UNC5D: variants seen among roughly 807,000 people sequenced by gnomAD.
UNC5D encodes the protein unc-5 netrin receptor D, also known as netrin receptor UNC5D.
Under a neutral mutation model 105.4 loss-of-function variants are expected in UNC5D, and 39 were observed. That is an observed-to-expected ratio of 0.37 (90% CI 0.29 to 0.48). The LOEUF is 0.48. Among genes scored for constraint, UNC5D ranks in the 20% least tolerant of loss-of-function variants. The pLI is 0.98. For missense variants in UNC5D, 991 were observed against 1,202.4 expected (o/e 0.82, Z 2.60); for synonymous variants, 452 against 450.4 (o/e 1.00, Z -0.04).
chr8:35,295,378 GT>G (rs1169435090), intron 1 of UNC5D, among the ~76,000 whole-genome samples: 3 of 151,892 alleles, frequency 2.0e-5, no homozygotes, highest in Admixed American at 1.3e-4. Flanking sequence ...TCATCTGCAA[GT>G]TTTTTTCAAA....
Position 35,590,999 on chromosome 8 carries a change from G to A in UNC5D, c.467-4555G>A, listed in dbSNP as rs1200383130. The stretch of plus-strand genomic sequence containing the variant: ...AATATTTTTACTTATATTATAAAAA[G>A]TATTTAAGTTTAAAACTTTTAAGTG... On this transcript the variant is annotated intron_variant, in intron 3 of 16. Coordinates refer to ENST00000404895, the MANE Select transcript of UNC5D (RefSeq NM_080872.4). Among the ~76,000 whole-genome samples the A allele has an allele frequency of 3.9e-5, 6 of 152,270 alleles. No homozygotes were observed. The East Asian group carries it at 1.2e-3, about 29-fold the overall frequency.
chr8:35,363,312 G>A (rs1006800521), intron 1 of UNC5D, among the ~76,000 whole-genome samples: 1 of 152,002 alleles, frequency 6.6e-6, no homozygotes, highest in African/African-American at 2.4e-5. Context: ...TGAAGAGGAC[G>A]AAAAAGTGGA....
intron 1 of UNC5D, among the ~76,000 whole-genome samples, chr8:35,471,325 A>G (rs1809708012): frequency 6.6e-6 from 1 of 152,158 alleles, no homozygotes; most frequent in Non-Finnish European, 1.5e-5. Flanking sequence ...TGATTAAAAT[A>G]TTTCACAGGA....
chr8:35,267,907 A>T (rs1805000247), intron 1 of UNC5D, among the ~76,000 whole-genome samples: 1 of 152,210 alleles, frequency 6.6e-6, no homozygotes, highest in African/African-American at 2.4e-5. Flanking sequence ...CTAGATTTCT[A>T]ACTTGCAAAG....
intron 1 of UNC5D, among the ~76,000 whole-genome samples, chr8:35,411,021 G>A (rs75564696): frequency 0.023 from 3,471 of 152,054 alleles, 140 homozygotes; most frequent in African/African-American, 0.081. Context: ...TTAATGCTAA[G>A]CCTCCCCTGT....
chr8:35,248,886 T>G (rs1427393050), intron 1 of UNC5D, among the ~76,000 whole-genome samples: 4 of 93,658 alleles, frequency 4.3e-5, no homozygotes, highest in South Asian at 3.2e-4. Context: ...ATATAATATA[T>G]TATATAAATA....
intron 16 of UNC5D, among the ~76,000 whole-genome samples, chr8:35,785,561 A>G (rs1420180338): frequency 6.6e-6 from 1 of 152,032 alleles, no homozygotes; most frequent in African/African-American, 2.4e-5. Context: ...GGGTTTCACC[A>G]TGTTGGCCAG....
At chr8:35,347,533 C>A (rs1409910934) in intron 1 of UNC5D, among the ~76,000 whole-genome samples, 1 of 151,966 alleles carries the variant, frequency 6.6e-6, no homozygotes, top group African/African-American at 2.4e-5. Flanking sequence ...GCCATAATTG[C>A]AAAACCATAA....
chr8:35,417,618 T>C (rs1252916845), intron 1 of UNC5D, among the ~76,000 whole-genome samples: 1 of 152,146 alleles, frequency 6.6e-6, no homozygotes, highest in East Asian at 1.9e-4. Context: ...GTCAAATATA[T>C]AGATTTTTTT....
chr8:35,324,593 TC>T (rs1414496790), intron 1 of UNC5D, among the ~76,000 whole-genome samples: 2 of 152,176 alleles, frequency 1.3e-5, no homozygotes, highest in Admixed American at 6.5e-5. Flanking sequence ...ATTTGTTAAT[TC>T]CATCTTAATG....
intron 1 of UNC5D, among the ~76,000 whole-genome samples, chr8:35,374,989 T>A (rs1477705675): frequency 6.6e-6 from 1 of 152,174 alleles, no homozygotes; most frequent in Non-Finnish European, 1.5e-5. Flanking sequence ...ACATTTTCTA[T>A]ATTATTCATT....
chr8:35,544,303 G>C, intron 1 of UNC5D: 2 of 1,365,900 alleles, frequency 1.5e-6, no homozygotes, highest in Admixed American at 4.9e-5. Flanking sequence ...AGTGAAGCTT[G>C]GAGTGCTGGC....
intron 1 of UNC5D, among the ~76,000 whole-genome samples, chr8:35,431,341 A>G (rs1390474404): frequency 6.6e-6 from 1 of 152,134 alleles, no homozygotes; most frequent in African/African-American, 2.4e-5. Context: ...AAGAATGCAT[A>G]ATTTTACATG....
chr8:35,525,649 G>A, intron 1 of UNC5D: 2 of 1,613,218 alleles, frequency 1.2e-6, no homozygotes, highest in South Asian at 1.1e-5. Flanking sequence ...TTTAAAGCCA[G>A]CATTTTGGAT....
chr8:35,376,736 T>A (rs1802719648), intron 1 of UNC5D, among the ~76,000 whole-genome samples: 1 of 152,170 alleles, frequency 6.6e-6, no homozygotes, highest in African/African-American at 2.4e-5. Flanking sequence ...CTGCACTTGG[T>A]CCTAACCTTC....
At chr8:35,420,081 AG>A (rs1362183756) in intron 1 of UNC5D, among the ~76,000 whole-genome samples, 1 of 152,174 alleles carries the variant, frequency 6.6e-6, no homozygotes, top group African/African-American at 2.4e-5. Flanking sequence ...AAATCAAAAA[AG>A]GGTTTTCAGC....
chr8:35,778,938 G>A (rs1029803866), intron 16 of UNC5D, among the ~76,000 whole-genome samples: 3 of 152,220 alleles, frequency 2.0e-5, no homozygotes, highest in African/African-American at 7.2e-5. Context: ...TCAGGAGTGT[G>A]TGCTGTACGG....
rs1359872584 is a variant in UNC5D at position 35,414,035 on chromosome 8, TTTTG to T, written c.104-135249_104-135246del. Among the ~76,000 whole-genome samples, 10 of 152,132 alleles carry T rather than the reference TTTTG, an allele frequency of 6.6e-5. No individual in the cohort carries two copies. The East Asian group carries it at 1.9e-3, about 29-fold the overall frequency. On this transcript the variant is annotated intron_variant, in intron 1 of 16. Coordinates refer to ENST00000404895, the MANE Select transcript of UNC5D (RefSeq NM_080872.4). ...GGGACCCAAATCCTGATGTGTTTGT[TTTTG>T]TTTGTTTTTGTTTCTGAAGCTCTCT... is the stretch of plus-strand genomic sequence containing the variant.
intron 6 of UNC5D, 140 bp from the exon 7 acceptor site, chr8:35,686,405 A>G (rs922798216): frequency 2.2e-6 from 2 of 896,950 alleles, no homozygotes; most frequent in Non-Finnish European, 1.6e-6. Flanking sequence ...TGGAGAGAAG[A>G]TAAGTGGATA....
Sources: gnomAD v4.1 joint callset for allele counts (sites outside exome capture counted in the v4.1 genomes callset) on GRCh38, gnomAD v4.1.1 for gene constraint, MANE v1.5 for transcripts, NCBI Gene and HGNC (gene_info 2026-07-23, HGNC 2026-07-21) for gene names.